The following METTL8 variants were observed in gnomAD, a reference collection of about 807,000 sequenced individuals.
METTL8 encodes methyltransferase 8, tRNA N3-cytidine, also known as tRNA N(3)-cytidine methyltransferase METTL8, mitochondrial.
A neutral mutation model predicts 48.7 loss-of-function variants in METTL8; 32 were observed. The observed-to-expected ratio is 0.66, with a 90% CI of 0.50 to 0.88. The LOEUF (loss-of-function observed/expected upper bound fraction) is 0.88. Among genes scored for constraint, METTL8 ranks in the 40% least tolerant of loss-of-function variants. The pLI, the probability that METTL8 is intolerant of heterozygous loss-of-function variation, is 0.00. For missense variants in METTL8, 464 were observed against 474.4 expected (o/e 0.98, Z 0.20); for synonymous variants, 136 against 157.1 (o/e 0.87, Z 1.01).
At chr2:171,434,738 CGCG>C, upstream of METTL8, 1 of 1,395,096 alleles carries the variant, frequency 7.2e-7, no homozygotes. Flanking sequence ...GACGGAGGGC[CGCG>C]GGCGCGCGGC....
chr2:171,335,838 T>C (rs1414790379), intron 5 of METTL8, among the ~76,000 whole-genome samples: 1 of 152,216 alleles, frequency 6.6e-6, no homozygotes, highest in Non-Finnish European at 1.5e-5. Context: ...TATGTTAGGA[T>C]GATGAGTGAT....
intron 2 of METTL8, among the ~76,000 whole-genome samples, chr2:171,380,933 A>G (rs1302091925): frequency 6.6e-6 from 1 of 152,260 alleles, no homozygotes; most frequent in Non-Finnish European, 1.5e-5. Flanking sequence ...AAGAGCCCAT[A>G]TAGCTAAGAC....
intron 2 of METTL8, among the ~76,000 whole-genome samples, chr2:171,363,792 T>TATATATATATATA (rs1685404264): frequency 1.0e-5 from 1 of 97,436 alleles, no homozygotes; most frequent in African/African-American, 4.1e-5. Context: ...TCCCCAAATT[T>TATATATATATATA]TATATATATA....
chr2:171,328,571 C>T (rs1028846633), intron 7 of METTL8, among the ~76,000 whole-genome samples: 3 of 152,170 alleles, frequency 2.0e-5, no homozygotes, highest in African/African-American at 7.2e-5. Context: ...AGTACAGTGG[C>T]GTGATCTTGG....
intron 3 of METTL8, among the ~76,000 whole-genome samples, chr2:171,352,738 T>C (rs1357005544): frequency 6.6e-6 from 1 of 152,222 alleles, no homozygotes; most frequent in African/African-American, 2.4e-5. Flanking sequence ...TCTTCTAGAT[T>C]TTCTAGTTTA....
chr2:171,374,526 A>G (rs1294637166), intron 2 of METTL8, among the ~76,000 whole-genome samples: 1 of 152,210 alleles, frequency 6.6e-6, no homozygotes, highest in Non-Finnish European at 1.5e-5. Flanking sequence ...AACTGTATTC[A>G]AAGTGTACAA....
chr2:171,400,086 C>T (rs1689497888), intron 1 of METTL8, among the ~76,000 whole-genome samples: 1 of 151,854 alleles, frequency 6.6e-6, no homozygotes, highest in Non-Finnish European at 1.5e-5. Context: ...ATGACCTATC[C>T]TAAGCACTTA....
At chr2:171,345,554 A>G (rs1465932374) in intron 3 of METTL8, among the ~76,000 whole-genome samples, 1 of 152,228 alleles carries the variant, frequency 6.6e-6, no homozygotes, top group Non-Finnish European at 1.5e-5. Context: ...AGCAAAGCCA[A>G]CTTATAAACA....
intron 1 of METTL8, among the ~76,000 whole-genome samples, chr2:171,404,909 A>G (rs780519604): frequency 3.9e-5 from 6 of 152,198 alleles, no homozygotes; most frequent in Admixed American, 6.5e-5. Flanking sequence ...AACAGTGGCC[A>G]TGAGTATCAA....
At chr2:171,342,269 T>C (rs1370612660) in intron 3 of METTL8, among the ~76,000 whole-genome samples, 1 of 152,238 alleles carries the variant, frequency 6.6e-6, no homozygotes, top group African/African-American at 2.4e-5. Flanking sequence ...AGGAATGCTA[T>C]AAAGACTGAA....
rs1262526750 is a variant in METTL8, at chr2:171,331,836, CACA to C, written c.685_687del (p.Cys229del). On this transcript the variant is annotated inframe_deletion, in exon 6 of 10. Transcript: ENST00000375258. ...AGCTCCACAGCTCCAGAAGCAAAAT[CACA>C]ACAATACAGAAAGGACTCCGGAGAG... is the stretch of plus-strand genomic sequence containing the variant. 16 of 1,603,692 alleles carry C rather than the reference CACA, an allele frequency of 1.0e-5. No homozygotes were observed. The highest frequency in any genetic ancestry group is 1.3e-5 in the Non-Finnish European group (15 of 1,174,828).
rs1684699809 is a variant in METTL8, at chr2:171,324,206, G to C, written c.1190C>G (p.Ser397Cys). 1 of 1,549,948 alleles carries C rather than the reference G, an allele frequency of 6.5e-7. No individual in the cohort carries two copies. Among genetic ancestry groups the C allele is most frequent in the Non-Finnish European group, 8.7e-7 (1 of 1,146,784 alleles). ...QKPLHQTQNSSNMVSTLLSQD is the reference protein window; with the variant it reads ...QKPLHQTQNSCNMVSTLLSQD ...TGAAAGGAGTGTAGATACCATATTG[G>C]AGCTATTCTGAGTCTGGTGCAATGG... is the stretch of plus-strand genomic sequence containing the variant. Residue 397 changes from serine to cysteine, a missense_variant, in exon 10 of 10, where the codon TCC becomes TGC. Ser to Cys is a moderately radical substitution (Grantham distance 112). Coordinates refer to ENST00000375258, the MANE Select transcript of METTL8 (RefSeq NM_001321154.2).
intron 3 of METTL8, among the ~76,000 whole-genome samples, chr2:171,350,585 T>G (rs1575795885): frequency 6.6e-6 from 1 of 152,198 alleles, no homozygotes; most frequent in Non-Finnish European, 1.5e-5. Context: ...ACCGACAGTT[T>G]AAAAGTGTTC....
rs577669504 is a variant in METTL8 at position 171,393,034 on chromosome 2, G to C, written c.-12-837C>G. Among the ~76,000 whole-genome samples, 631 of 152,186 alleles carry C rather than the reference G, an allele frequency of 4.1e-3. 3 individuals are homozygous for C. Among genetic ancestry groups the C allele is most frequent in the Non-Finnish European group, 6.4e-3 (438 of 68,008 alleles). ...CAAGAGAATCGCTTGAACCCAGGAGGCGGAGATTGCAGTGAGCCGAGATTG... is the reference window on the plus strand; with the variant it reads ...CAAGAGAATCGCTTGAACCCAGGAGCCGGAGATTGCAGTGAGCCGAGATTG... On this transcript the variant is annotated intron_variant, in intron 1 of 9. Transcript: ENST00000375258.
At chr2:171,354,026 C>T (rs533938081) in intron 3 of METTL8, among the ~76,000 whole-genome samples, 24 of 152,156 alleles carry the variant, frequency 1.6e-4, no homozygotes, top group African/African-American at 4.8e-4. Flanking sequence ...TTATTTTGCC[C>T]GTTAGTTGAT....
intron 1 of METTL8, among the ~76,000 whole-genome samples, chr2:171,402,935 C>T (rs1689788019): frequency 6.6e-6 from 1 of 152,102 alleles, no homozygotes; most frequent in Non-Finnish European, 1.5e-5. Context: ...CTAGAATACT[C>T]TGAGCAACAA....
intron 1 of METTL8, among the ~76,000 whole-genome samples, chr2:171,430,591 A>G (rs1389701317): frequency 6.6e-6 from 1 of 152,188 alleles, no homozygotes; most frequent in South Asian, 2.1e-4. Flanking sequence ...CTGCTGAAAG[A>G]ATGCAACAGG....
intron 2 of METTL8, among the ~76,000 whole-genome samples, chr2:171,363,915 C>T (rs1318580215): frequency 6.7e-6 from 1 of 149,502 alleles, no homozygotes; most frequent in Non-Finnish European, 1.5e-5. Flanking sequence ...CGTGTTCAAG[C>T]AATTCTCCTG....
chr2:171,323,911 A>T lies in METTL8; in HGVS notation c.*261T>A, dbSNP rs1684674408. 6.1e-6 allele frequency: 2 copies of T among 327,416 alleles called. No individual in the cohort carries two copies. The highest frequency in any genetic ancestry group is 1.1e-5 in the Non-Finnish European group (2 of 182,118). 20.3% of individuals were successfully genotyped at this position (327,416 alleles called of 1,614,324 possible). A position where few individuals can be genotyped will look rare whatever the true frequency, so the allele number is the denominator to read the frequency against. Reference sequence around the variant, plus strand: ...ACTAACTTAATTGAATGCTTATAAAAATCAAGGAACAAGCAAAATGGTTAG... The same window carrying T: ...ACTAACTTAATTGAATGCTTATAAATATCAAGGAACAAGCAAAATGGTTAG... On this transcript the variant is annotated 3_prime_UTR_variant, in exon 10 of 10. Transcript: ENST00000375258.
Sources: gnomAD v4.1 joint callset for allele counts (sites outside exome capture counted in the v4.1 genomes callset) on GRCh38, gnomAD v4.1.1 for gene constraint, MANE v1.5 for transcripts, NCBI Gene and HGNC (gene_info 2026-07-23, HGNC 2026-07-21) for gene names.